The following FRAS1 variants were observed in gnomAD, a reference collection of about 807,000 sequenced individuals.
The protein encoded by FRAS1 is Fraser extracellular matrix complex subunit 1.
A neutral mutation model predicts 435.2 loss-of-function variants in FRAS1; 290 were observed. The observed-to-expected ratio is 0.67, with a 90% CI of 0.61 to 0.73. The LOEUF (loss-of-function observed/expected upper bound fraction) is 0.73. Ranked by LOEUF, FRAS1 falls within the 30% of genes least tolerant of loss-of-function variation. The pLI is 0.00. For missense variants in FRAS1, 4,860 were observed against 5,001.5 expected (o/e 0.97, Z 0.85); for synonymous variants, 1,800 against 1,851.0 (o/e 0.97, Z 0.71).
At chr4:78,256,910 C>A (rs1165421829) in intron 6 of FRAS1, among the ~76,000 whole-genome samples, 3 of 152,010 alleles carry the variant, frequency 2.0e-5, no homozygotes, top group African/African-American at 7.2e-5. Context: ...GTTTATCATA[C>A]CTGATGATAG....
intron 2 of FRAS1, among the ~76,000 whole-genome samples, chr4:78,226,125 C>T (rs571587384): frequency 6.6e-6 from 1 of 152,264 alleles, no homozygotes; most frequent in East Asian, 1.9e-4. Flanking sequence ...TACCTCTTCT[C>T]AGCCATTACT....
intron 41 of FRAS1, among the ~76,000 whole-genome samples, chr4:78,441,996 G>A (rs115980262): frequency 6.6e-6 from 1 of 152,198 alleles, no homozygotes; most frequent in Non-Finnish European, 1.5e-5. Flanking sequence ...GTTGCTGTGC[G>A]GCTTTCCCTG....
intron 7 of FRAS1, among the ~76,000 whole-genome samples, chr4:78,265,350 G>A (rs1370065536): frequency 1.3e-5 from 2 of 152,152 alleles, no homozygotes; most frequent in Non-Finnish European, 2.9e-5. Flanking sequence ...GAACCTTGGT[G>A]AACTTACTGT....
chr4:78,118,344 C>G (rs927147553), intron 2 of FRAS1, among the ~76,000 whole-genome samples: 17 of 152,144 alleles, frequency 1.1e-4, no homozygotes, highest in Non-Finnish European at 2.1e-4. Context: ...AGAACCACTG[C>G]TCTCCTCAAC....
Position 78,475,580 on chromosome 4 carries a change from C to T in FRAS1, c.7825C>T (p.Gln2609Ter). 6.2e-7 allele frequency: 1 copy of T among 1,612,292 alleles called. No homozygotes were observed. Among genetic ancestry groups the T allele is most frequent in the Non-Finnish European group, 8.5e-7 (1 of 1,178,892 alleles). ...SSRVSSQPGQQDYVEYAGQVQ... is the reference protein window; with the variant it reads ...SSRVSSQPGQ ...CAGGGTCAGCTCCCAACCTGGGCAA[C>T]AGGACTATGTAGAGTATGCTGGCCA... Residue 2609 changes from glutamine to a stop codon, truncating the protein, a stop_gained, in exon 54 of 74, where the codon CAG becomes TAG. Transcript: ENST00000512123. LOFTEE classifies it high-confidence loss of function.
intron 2 of FRAS1, among the ~76,000 whole-genome samples, chr4:78,069,813 A>G (rs184078380): frequency 2.7e-5 from 4 of 150,894 alleles, no homozygotes; most frequent in Non-Finnish European, 5.9e-5. Flanking sequence ...AACTTACTTT[A>G]CAGATAAGGA....
At chr4:78,475,020 C>T (rs931354918) in intron 53 of FRAS1, among the ~76,000 whole-genome samples, 3 of 152,188 alleles carry the variant, frequency 2.0e-5, no homozygotes, top group African/African-American at 7.2e-5. Context: ...AGATCTGGTC[C>T]AGTCAGTTCC....
At chr4:78,067,236 T>C (rs968066251) in intron 2 of FRAS1, among the ~76,000 whole-genome samples, 6 of 152,160 alleles carry the variant, frequency 3.9e-5, no homozygotes, top group Non-Finnish European at 8.8e-5. Context: ...TATCATTCCA[T>C]ACTCTTTCCC....
rs774666622 is a variant in FRAS1 at position 78,526,524 on chromosome 4, G to A, written c.10809-17G>A. 18 of 1,523,074 alleles carry A rather than the reference G, an allele frequency of 1.2e-5. No homozygotes were observed. The highest frequency in any genetic ancestry group is 1.4e-5 in the Non-Finnish European group (16 of 1,114,688). The allele number at this position is 1,523,074 out of a possible 1,614,324, so 94.3% of individuals were successfully genotyped here. On this transcript the variant is annotated splice_polypyrimidine_tract_variant and intron_variant, in intron 69 of 73. Coordinates refer to ENST00000512123, the MANE Select transcript of FRAS1 (RefSeq NM_025074.7). ...CAGTTGTTCCCTACGATCACAGTCT[G>A]CTCTGCATGTTTCCAGGAAGGACTA... is the stretch of plus-strand genomic sequence containing the variant.
chr4:78,533,398 G>A (rs78617113), intron 70 of FRAS1, among the ~76,000 whole-genome samples: 2,174 of 152,288 alleles, frequency 0.014, 45 homozygotes, highest in African/African-American at 0.05. Flanking sequence ...ACTGAAAGAA[G>A]GCCAGTCTGG....
chr4:78,490,784 G>C (rs1720324549), intron 59 of FRAS1, among the ~76,000 whole-genome samples: 1 of 151,724 alleles, frequency 6.6e-6, no homozygotes. Flanking sequence ...GCTATCAGAA[G>C]ACAAGAAATA....
intron 20 of FRAS1, among the ~76,000 whole-genome samples, chr4:78,344,506 ATGTGATT>A (rs1730525591): frequency 8.1e-6 from 1 of 123,922 alleles, no homozygotes; most frequent in Non-Finnish European, 1.7e-5. Context: ...AGAGTCTGGA[ATGTGATT>A]CCAGAGTACT....
intron 14 of FRAS1, among the ~76,000 whole-genome samples, chr4:78,305,915 C>T (rs538628893): frequency 5.0e-4 from 75 of 151,074 alleles, no homozygotes; most frequent in Admixed American, 8.6e-4. Context: ...ATGATGTTAG[C>T]TGCTTATTTT....
intron 40 of FRAS1, among the ~76,000 whole-genome samples, chr4:78,439,700 G>A (rs1462640589): frequency 3.3e-5 from 5 of 151,632 alleles, no homozygotes; most frequent in African/African-American, 1.2e-4. Context: ...TCACTGTGTT[G>A]CCCAGGCTGA....
At chr4:78,192,212 T>C (rs952117153) in intron 2 of FRAS1, among the ~76,000 whole-genome samples, 16 of 152,350 alleles carry the variant, frequency 1.1e-4, no homozygotes, top group Admixed American at 3.3e-4. Context: ...TTTGCTTTGA[T>C]GTTCATCACG....
chr4:78,530,878 A>C (rs1043294780), intron 70 of FRAS1, among the ~76,000 whole-genome samples: 3 of 152,232 alleles, frequency 2.0e-5, no homozygotes, highest in Admixed American at 1.3e-4. Context: ...CTGTGAAGAA[A>C]GTCCGTTTGT....
chr4:78,419,766 G>C (rs990635317), intron 33 of FRAS1, among the ~76,000 whole-genome samples: 2 of 152,206 alleles, frequency 1.3e-5, no homozygotes. Context: ...GGATGGGGAG[G>C]CCTCAGGAAA....
intron 2 of FRAS1, among the ~76,000 whole-genome samples, chr4:78,138,248 A>G (rs1720008751): frequency 6.6e-6 from 1 of 152,240 alleles, no homozygotes; most frequent in South Asian, 2.1e-4. Context: ...TCTAGTAAAC[A>G]GTACTTTAGT....
intron 30 of FRAS1, among the ~76,000 whole-genome samples, chr4:78,401,738 G>A (rs371578586): frequency 1.3e-5 from 2 of 149,538 alleles, no homozygotes; most frequent in African/African-American, 4.9e-5. Context: ...AAAAAAAAAA[G>A]CCTGGTGAAA....
Sources: gnomAD v4.1 joint callset for allele counts (sites outside exome capture counted in the v4.1 genomes callset) on GRCh38, gnomAD v4.1.1 for gene constraint, MANE v1.5 for transcripts, NCBI Gene and HGNC (gene_info 2026-07-23, HGNC 2026-07-21) for gene names.